Variants in YWHAH observed in about 807,000 individuals in gnomAD.
YWHAH encodes 14-3-3 protein eta.
Under a neutral mutation model 22.9 loss-of-function variants are expected in YWHAH, and 6 were observed. The ratio of observed to expected loss-of-function variants is 0.26; its 90% confidence interval spans 0.14 to 0.52. The LOEUF is 0.52. Among genes scored for constraint, YWHAH ranks in the 20% least tolerant of loss-of-function variants. YWHAH has a pLI of 0.97. For synonymous variants in YWHAH, 135 were observed against 124.5 expected, an observed-to-expected ratio of 1.08 and a Z score of -0.56; for missense variants, 173 against 308.6, an observed-to-expected ratio of 0.56 and a Z score of 3.29.
intron 1 of YWHAH, chr22:31,950,421 T>C: frequency 1.3e-6 from 1 of 779,266 alleles, no homozygotes; most frequent in Non-Finnish European, 2.4e-6. Flanking sequence ...CCTTCTGCGG[T>C]GGTGAGTGTT....
intron 1 of YWHAH, chr22:31,945,466 C>G: frequency 4.6e-6 from 6 of 1,304,124 alleles, no homozygotes; most frequent in Non-Finnish European, 6.1e-6. Context: ...GCTGCGCTGT[C>G]TGCTTGGAGA....
chr22:31,948,786 A>G (rs372636557), intron 1 of YWHAH, among the ~76,000 whole-genome samples: 2 of 152,226 alleles, frequency 1.3e-5, no homozygotes, highest in Non-Finnish European at 2.9e-5. Flanking sequence ...TGAGGAAGGA[A>G]GAAGGCTCTG....
At chr22:31,955,289 T>G (rs942267537) in intron 1 of YWHAH, among the ~76,000 whole-genome samples, 3 of 152,200 alleles carry the variant, frequency 2.0e-5, no homozygotes, top group Non-Finnish European at 2.9e-5. Context: ...TTCCATCTGA[T>G]CTGTGAAGCC....
At position 31,956,630 on chromosome 22, in the gene YWHAH, C is replaced by T. The variant is rs779002920; in HGVS notation, c.579C>T (p.Ala193=). Residue 193 remains alanine, a synonymous_variant, in exon 2 of 2, where the codon GCC becomes GCT. Coordinates refer to ENST00000248975, the MANE Select transcript of YWHAH (RefSeq NM_003405.4). This position sits in a 1 kb window ranked among gnomAD's most constrained non-coding sequence, Gnocchi z 5.1. ...YYEIQNAPEQ[A]CLLAKQAFDD... is the part of the protein sequence containing the mutation. The stretch of plus-strand genomic sequence containing the variant: ...AGATCCAGAATGCACCTGAGCAAGC[C>T]TGCCTCTTAGCCAAACAAGCCTTCG... 6.2e-7 allele frequency: 1 copy of T among 1,614,160 alleles called. No homozygotes were observed. The highest frequency in any genetic ancestry group is 8.5e-7 in the Non-Finnish European group (1 of 1,180,036).
intron 1 of YWHAH, among the ~76,000 whole-genome samples, chr22:31,954,655 C>G (rs2093847332): frequency 6.6e-6 from 1 of 152,142 alleles, no homozygotes; most frequent in Non-Finnish European, 1.5e-5. Flanking sequence ...AGGCACTCTC[C>G]CAGCTTCTGG....
chr22:31,954,505 G>A (rs1603054471), intron 1 of YWHAH, among the ~76,000 whole-genome samples: 1 of 152,120 alleles, frequency 6.6e-6, no homozygotes, highest in Non-Finnish European at 1.5e-5. Context: ...AGTTTCCTAG[G>A]GGGTGCTGAA....
chr22:31,949,143 T>TTTG (rs1331988742), intron 1 of YWHAH, among the ~76,000 whole-genome samples: 4 of 144,656 alleles, frequency 2.8e-5, no homozygotes, highest in African/African-American at 1.1e-4. Context: ...TTACTTTTTT[T>TTTG]TTTTTTTTTT....
In YWHAH at chr22:31,944,668, C is replaced by T; in HGVS notation, c.-66C>T. On this transcript the variant is annotated 5_prime_UTR_variant, in exon 1 of 2. Coordinates refer to ENST00000248975, the MANE Select transcript of YWHAH (RefSeq NM_003405.4). Reference sequence around the variant, plus strand: ...GCCTCCGCAGCGACCGGGGAGCGGACTGACCGGCGGGAGGGCTAGCGAGCC... The same window carrying T: ...GCCTCCGCAGCGACCGGGGAGCGGATTGACCGGCGGGAGGGCTAGCGAGCC... 1 of 1,224,872 alleles carries T rather than the reference C, an allele frequency of 8.2e-7. No individual in the cohort carries two copies. The highest frequency in any genetic ancestry group is 1.0e-6 in the Non-Finnish European group (1 of 967,220). 75.9% of individuals were successfully genotyped at this position (1,224,872 alleles called of 1,614,324 possible).
At chr22:31,948,635 A>G (rs914100568) in intron 1 of YWHAH, among the ~76,000 whole-genome samples, 1 of 152,140 alleles carries the variant, frequency 6.6e-6, no homozygotes, top group Admixed American at 6.5e-5. Context: ...TCAGCCTATT[A>G]AAGTGCTGGG....
At chr22:31,949,953 GTC>G (rs2093840759) in intron 1 of YWHAH, among the ~76,000 whole-genome samples, 1 of 140,510 alleles carries the variant, frequency 7.1e-6, no homozygotes, top group South Asian at 2.3e-4. Context: ...TTGGGTGCAA[GTC>G]ATTTTTTTTT....
chr22:31,946,648 C>T (rs994172490), intron 1 of YWHAH, among the ~76,000 whole-genome samples: 1 of 152,094 alleles, frequency 6.6e-6, no homozygotes, highest in Non-Finnish European at 1.5e-5. Flanking sequence ...TGTTCTGGAA[C>T]AATCAGAAAC....
At chr22:31,950,654 A>G (rs1438884387) in intron 1 of YWHAH, among the ~76,000 whole-genome samples, 1 of 152,130 alleles carries the variant, frequency 6.6e-6, no homozygotes, top group Non-Finnish European at 1.5e-5. Flanking sequence ...AGTGGATGTT[A>G]CTTACCCGAA....
chr22:31,957,346 A>T lies in YWHAH; in HGVS notation c.*554A>T, dbSNP rs1216081361. ...CTCCTTGGTTTTGCCTCTTTAAATT[A>T]TGACGTGCACAAACCTTCTTTTCAA... On this transcript the variant is annotated 3_prime_UTR_variant, in exon 2 of 2. Transcript: ENST00000248975. The T allele has an allele frequency of 6.6e-6, 1 of 152,394 alleles. No individual in the cohort carries two copies. The highest frequency in any genetic ancestry group is 1.5e-5 in the Non-Finnish European group (1 of 68,182). 9.4% of individuals were successfully genotyped at this position (152,394 alleles called of 1,614,324 possible).
rs924430379 is a variant in YWHAH at position 31,956,492 on chromosome 22, C to T, written c.441C>T (p.Val147=). Residue 147 remains valine (V), a synonymous_variant, in exon 2 of 2, where the codon GTC becomes GTT. Coordinates refer to ENST00000248975, the MANE Select transcript of YWHAH (RefSeq NM_003405.4). The surrounding 1 kb of genome is among the most constrained non-coding windows in gnomAD (Gnocchi z 5.1). ...CTGGGGAGAAGAAAAACAGTGTGGT[C>T]GAAGCTTCTGAAGCTGCCTACAAGG... ...VASGEKKNSV[V]EASEAAYKEA... is the part of the protein sequence containing the mutation. 16 of 1,613,962 alleles carry T rather than the reference C, an allele frequency of 9.9e-6. No individual in the cohort carries two copies. Among genetic ancestry groups the T allele is most frequent in the East Asian group, 2.2e-5 (1 of 44,890 alleles).
At chr22:31,950,316 T>TA (rs2093841510) in intron 1 of YWHAH, 3 of 779,362 alleles carry the variant, frequency 3.8e-6, no homozygotes, top group Middle Eastern at 2.2e-4. Context: ...AGGTTGCTGG[T>TA]AAAATTCCTC....
At chr22:31,955,971 G>A (rs1327287428) in intron 1 of YWHAH, among the ~76,000 whole-genome samples, 168 bp from the exon 2 acceptor site, 7 of 152,046 alleles carry the variant, frequency 4.6e-5, no homozygotes, top group Non-Finnish European at 1.0e-4. Flanking sequence ...CTTCACATAG[G>A]GTTCATGTCT....
chr22:31,952,003 C>A (rs1003024590), intron 1 of YWHAH, among the ~76,000 whole-genome samples: 3 of 152,022 alleles, frequency 2.0e-5, no homozygotes, highest in Non-Finnish European at 4.4e-5. Flanking sequence ...TGGTTTGTGG[C>A]CCGGTGAAGA....
Position 31,945,231 on chromosome 22 carries a change from A to G in YWHAH, c.87+411A>G, listed in dbSNP as rs542229012. On this transcript the variant is annotated intron_variant, in intron 1 of 1. Transcript: ENST00000248975. Reference sequence around the variant, plus strand: ...GTTCCCCAACTTGGAATAAAGAATCACCTAGTAAGTGGCGCCCTGTCTCAG... The same window carrying G: ...GTTCCCCAACTTGGAATAAAGAATCGCCTAGTAAGTGGCGCCCTGTCTCAG... 49 of 1,132,862 alleles carry G rather than the reference A, an allele frequency of 4.3e-5. No individual in the cohort carries two copies. In the Admixed American group the frequency reaches 1.4e-3, roughly 32 times the overall value. 70.2% of individuals were successfully genotyped at this position (1,132,862 alleles called of 1,614,324 possible).
At chr22:31,955,922 G>A (rs2093849039) in intron 1 of YWHAH, among the ~76,000 whole-genome samples, 1 of 152,116 alleles carries the variant, frequency 6.6e-6, no homozygotes, top group Admixed American at 6.6e-5. Flanking sequence ...TCTGTTTTGG[G>A]TGCCAAGTAT....
Sources: gnomAD v4.1 joint callset for allele counts (sites outside exome capture counted in the v4.1 genomes callset) on GRCh38, gnomAD v4.1.1 for gene constraint, Gnocchi (gnomAD v3.1) non-coding constraint, MANE v1.5 for transcripts, NCBI Gene and HGNC (gene_info 2026-07-23, HGNC 2026-07-21) for gene names.